Variants in GRIN2A observed in about 807,000 individuals in gnomAD.
The protein encoded by GRIN2A is glutamate ionotropic receptor NMDA type subunit 2A.
A neutral mutation model predicts 113.4 loss-of-function variants in GRIN2A; 22 were observed. The observed-to-expected ratio is 0.19, with a 90% CI of 0.14 to 0.28. GRIN2A has a LOEUF of 0.28. Among genes scored for constraint, GRIN2A ranks in the 10% least tolerant of loss-of-function variants. The pLI is 1.00. For missense variants in GRIN2A, 1,502 were observed against 1,887.0 expected (o/e 0.80, Z 3.78); for synonymous variants, 827 against 738.4 (o/e 1.12, Z -1.94).
intron 3 of GRIN2A, among the ~76,000 whole-genome samples, chr16:9,933,324 C>CA (rs2044640762): frequency 6.7e-6 from 1 of 149,776 alleles, no homozygotes; most frequent in Non-Finnish European, 1.5e-5. Context: ...CCATGAGCAA[C>CA]AATATCCTAA....
chr16:9,834,326 A>G, intron 7 of GRIN2A, 96 bp from the exon 8 acceptor site: 1 of 1,130,068 alleles, frequency 8.8e-7, no homozygotes, highest in Non-Finnish European at 1.3e-6. Flanking sequence ...GCTCGCCAAA[A>G]ATATTTTCTC....
intron 4 of GRIN2A, among the ~76,000 whole-genome samples, chr16:9,883,039 T>C (rs1045976764): frequency 1.3e-5 from 2 of 152,116 alleles, no homozygotes; most frequent in Non-Finnish European, 2.9e-5. Flanking sequence ...TACATCCTTC[T>C]TCCATCACAC....
In GRIN2A at chr16:10,091,448, G is replaced by T. The variant is rs551869094; in HGVS notation, c.414+88550C>A. ...CCATCTCTACCAAATACGTATGTAT[G>T]TGTGTGTATACACACACACACACAC... On this transcript the variant is annotated intron_variant, in intron 2 of 12. Coordinates refer to ENST00000330684, the MANE Select transcript of GRIN2A (RefSeq NM_001134407.3). Among the ~76,000 whole-genome samples the T allele has an allele frequency of 5.8e-5, 7 of 121,362 alleles. No individual in the cohort carries two copies. In the South Asian group the frequency reaches 2.3e-3, roughly 39 times the overall value. 79.6% of individuals were successfully genotyped at this position (121,362 alleles called of 152,430 possible). A position where few individuals can be genotyped will look rare whatever the true frequency, so the allele number is the denominator to read the frequency against.
At chr16:10,138,460 A>C (rs1000920841) in intron 2 of GRIN2A, among the ~76,000 whole-genome samples, 7 of 152,160 alleles carry the variant, frequency 4.6e-5, no homozygotes, top group Admixed American at 1.3e-4. Context: ...GGATGGGTAG[A>C]AAAGAAGCAA....
intron 2 of GRIN2A, among the ~76,000 whole-genome samples, chr16:10,006,798 C>A (rs891906283): frequency 6.6e-6 from 1 of 152,168 alleles, no homozygotes; most frequent in African/African-American, 2.4e-5. Context: ...CTACCCTTCC[C>A]AGACTCTAGT....
intron 2 of GRIN2A, among the ~76,000 whole-genome samples, chr16:10,060,638 T>C (rs2047536064): frequency 6.6e-6 from 1 of 152,252 alleles, no homozygotes; most frequent in Non-Finnish European, 1.5e-5. Flanking sequence ...TCATGATTAC[T>C]TTTAGCACCA....
intron 2 of GRIN2A, among the ~76,000 whole-genome samples, chr16:9,963,151 G>C (rs2045477024): frequency 6.7e-6 from 1 of 149,612 alleles, no homozygotes; most frequent in Non-Finnish European, 1.5e-5. Context: ...GATAGCATTA[G>C]GAGATATACC....
intron 2 of GRIN2A, among the ~76,000 whole-genome samples, chr16:10,015,502 C>A (rs1244405540): frequency 6.7e-6 from 1 of 150,046 alleles, no homozygotes; most frequent in Non-Finnish European, 1.5e-5. Flanking sequence ...AAAATAATAA[C>A]AAAAATATTT....
At chr16:10,057,664 G>A in intron 2 of GRIN2A, among the ~76,000 whole-genome samples, 1 of 152,040 alleles carries the variant, frequency 6.6e-6, no homozygotes. Context: ...TTCCCAAAGA[G>A]GCTTACACGA....
At chr16:9,768,209 C>T (rs1463186352) in intron 12 of GRIN2A, among the ~76,000 whole-genome samples, 2 of 152,024 alleles carry the variant, frequency 1.3e-5, no homozygotes, top group Non-Finnish European at 2.9e-5. Context: ...TACAGGCGCC[C>T]GGCTAATTTT....
intron 2 of GRIN2A, among the ~76,000 whole-genome samples, chr16:10,134,674 A>G (rs2049154542): frequency 6.6e-6 from 1 of 152,168 alleles, no homozygotes; most frequent in Non-Finnish European, 1.5e-5. Context: ...CCTTCATTTT[A>G]TCTTCTCTGT....
chr16:10,110,804 G>A (rs1409433581), intron 2 of GRIN2A, among the ~76,000 whole-genome samples: 3 of 152,200 alleles, frequency 2.0e-5, no homozygotes, highest in African/African-American at 7.2e-5. Flanking sequence ...GCCATATGTT[G>A]AAGGTGGCAG....
chr16:9,819,152 G>C (rs566691485), intron 10 of GRIN2A, among the ~76,000 whole-genome samples: 1 of 152,082 alleles, frequency 6.6e-6, no homozygotes, highest in East Asian at 1.9e-4. Context: ...TAGTGTGCAG[G>C]GAAAACTTTT....
intron 2 of GRIN2A, among the ~76,000 whole-genome samples, chr16:10,167,630 C>T (rs2049951062): frequency 1.3e-5 from 2 of 152,236 alleles, no homozygotes; most frequent in Non-Finnish European, 2.9e-5. Flanking sequence ...AACCTGAGTT[C>T]GAAGATCTAC....
intron 2 of GRIN2A, among the ~76,000 whole-genome samples, chr16:10,153,208 G>C (rs77726037): frequency 0.014 from 2,089 of 152,246 alleles, 59 homozygotes; most frequent in African/African-American, 0.047. Context: ...TGTAGGGCAG[G>C]GGGTATTTGG....
intron 7 of GRIN2A, among the ~76,000 whole-genome samples, chr16:9,835,327 C>T (rs1032876947): frequency 2.0e-5 from 3 of 152,118 alleles, no homozygotes; most frequent in African/African-American, 7.2e-5. Flanking sequence ...AGCTCATTTG[C>T]ATGTAACTTA....
Position 9,840,762 on chromosome 16 carries a change from G to A in GRIN2A, c.1536C>T (p.Leu512=), listed in dbSNP as rs1418986132. 1 of 1,608,772 alleles carries A rather than the reference G, an allele frequency of 6.2e-7. No homozygotes were observed. The highest frequency in any genetic ancestry group is 8.5e-7 in the Non-Finnish European group (1 of 1,178,540). The part of the protein sequence containing the change: ...YQRAVMAVGS[L]TINEERSEVV... ...CTTCAGAACGTTCCTCATTGATGGTGAGCGAGCCAACTGCCATGACTGCCC... is the reference window on the plus strand; with the variant it reads ...CTTCAGAACGTTCCTCATTGATGGTAAGCGAGCCAACTGCCATGACTGCCC... Residue 512 remains leucine (L), a synonymous_variant, in exon 7 of 13, where the codon CTC becomes CTT. Transcript: ENST00000330684.
chr16:9,858,534 G>A (rs975791080), intron 4 of GRIN2A, among the ~76,000 whole-genome samples: 3 of 151,982 alleles, frequency 2.0e-5, no homozygotes, highest in East Asian at 1.9e-4. Context: ...AAGTTGTGAC[G>A]ACAAAAATAA....
intron 11 of GRIN2A, among the ~76,000 whole-genome samples, chr16:9,780,502 A>G (rs1032516655): frequency 2.0e-5 from 3 of 152,258 alleles, no homozygotes; most frequent in Admixed American, 2.0e-4. Flanking sequence ...TTGAGGATCA[A>G]AAGAAGACAA....
Sources: allele counts gnomAD v4.1 joint callset (sites outside exome capture counted in the v4.1 genomes callset), GRCh38; gene constraint gnomAD v4.1.1; transcripts MANE v1.5; gene names NCBI Gene and HGNC (gene_info 2026-07-23, HGNC 2026-07-21).